The following HEATR5B variants were observed in gnomAD, a reference collection of about 807,000 sequenced individuals.
HEATR5B encodes the protein HEAT repeat containing 5B.
HEATR5B carries 156 observed loss-of-function variants against 224.1 expected under a neutral mutation model. The ratio of observed to expected loss-of-function variants is 0.70; its 90% CI spans 0.61 to 0.80. The LOEUF (loss-of-function observed/expected upper bound fraction) is 0.80. Ranked by LOEUF, HEATR5B falls within the 30% of genes least tolerant of loss-of-function variation. The pLI is 0.00. For missense variants in HEATR5B, 2,323 were observed against 2,535.5 expected, an observed-to-expected ratio of 0.92 and a Z score of 1.80; for synonymous variants, 1,027 against 893.0, an observed-to-expected ratio of 1.15 and a Z score of -2.68.
rs781668914 is a variant in HEATR5B, at chr2:37,020,632, C to T, written c.4035+23G>A. On this transcript the variant is annotated intron_variant, in intron 25 of 35. Coordinates refer to ENST00000233099, the MANE Select transcript of HEATR5B (RefSeq NM_019024.3). ...TCTTTCAAAAGATCAATTTTAAGTT[C>T]TTAAATAAATAGAAAATCTCACATT... is the stretch of plus-strand genomic sequence containing the variant. 19 of 1,494,362 alleles carry T rather than the reference C, an allele frequency of 1.3e-5. 1 individual carries two copies. Among genetic ancestry groups the T allele is most frequent in the East Asian group, 9.6e-5 (4 of 41,708 alleles). The allele number at this position is 1,494,362 out of a possible 1,614,324, so 92.6% of individuals were successfully genotyped here.
intron 2 of HEATR5B, among the ~76,000 whole-genome samples, chr2:37,081,025 A>G (rs1672528889): frequency 6.6e-6 from 1 of 152,262 alleles, no homozygotes; most frequent in South Asian, 2.1e-4. Flanking sequence ...GAACAAAATT[A>G]AAGACGTTTT....
At chr2:37,070,479 T>C (rs896529172) in intron 6 of HEATR5B, 92 bp from the exon 7 acceptor site, 35 of 927,406 alleles carry the variant, frequency 3.8e-5, no homozygotes, top group Admixed American at 7.8e-5. Context: ...GACACTTTAC[T>C]ACAATGGGGA....
rs866591468 is a variant in HEATR5B at position 37,049,801 on chromosome 2, G to A, written c.2548C>T (p.Arg850Cys). 5.2e-6 allele frequency: 8 copies of A among 1,550,444 alleles called. No individual in the cohort carries two copies. Among genetic ancestry groups the A allele is most frequent in the Non-Finnish European group, 6.1e-6 (7 of 1,152,654 alleles). The stretch of plus-strand genomic sequence containing the variant: ...ATAACCAGTGTCAGGGCAGATTTAC[G>A]AACTTCCTCAGGTCCTAAAGTACTT... ...NKSTLGPEEV[R>C]KSALTLVMGP... The change falls in exon 18 of 36, where the codon CGT becomes TGT. Residue 850 changes from arginine (R) to cysteine (C), a missense_variant. Coordinates refer to ENST00000233099, the MANE Select transcript of HEATR5B (RefSeq NM_019024.3).
chr2:37,071,240 A>G (rs1232511536), intron 6 of HEATR5B, among the ~76,000 whole-genome samples: 1 of 152,220 alleles, frequency 6.6e-6, no homozygotes, highest in Non-Finnish European at 1.5e-5. Flanking sequence ...TAATAAATAT[A>G]AGAGACAGGA....
At chr2:37,007,588 G>C (rs1667512584) in intron 28 of HEATR5B, among the ~76,000 whole-genome samples, 1 of 151,976 alleles carries the variant, frequency 6.6e-6, no homozygotes, top group African/African-American at 2.4e-5. Context: ...ACCCGCCTCA[G>C]CCTCCCAAAG....
At chr2:37,009,585 G>GA (rs371452433) in intron 27 of HEATR5B, among the ~76,000 whole-genome samples, 49 of 145,542 alleles carry the variant, frequency 3.4e-4, no homozygotes, top group African/African-American at 1.1e-3. Flanking sequence ...CTCAAAAAAA[G>GA]AAAAAAAAAA....
intron 33 of HEATR5B, among the ~76,000 whole-genome samples, chr2:36,996,804 C>A (rs1666750356): frequency 6.6e-6 from 1 of 152,144 alleles, no homozygotes; most frequent in Admixed American, 6.5e-5. Flanking sequence ...GTTGGTCAGG[C>A]TGGTCTTGAA....
At position 36,988,715 on chromosome 2, in the gene HEATR5B, C is replaced by A; in HGVS notation, c.5842G>T (p.Glu1948Ter). ...VERNRPASNI[E>*]LLAVQEGIKV... ...ATTCCTTCTTGAACCGCTAAAAGCTCTATGTTACTGGCTGGTCTGTTTCTT... is the reference window on the plus strand; with the variant it reads ...ATTCCTTCTTGAACCGCTAAAAGCTATATGTTACTGGCTGGTCTGTTTCTT... The change falls in exon 35 of 36, where the codon GAG (glutamate) becomes TAG (stop). Residue 1948 changes from glutamate to a stop codon, truncating the protein, a stop_gained. Coordinates refer to ENST00000233099, the MANE Select transcript of HEATR5B (RefSeq NM_019024.3). LOFTEE classifies it high-confidence loss of function. 1 of 1,614,122 alleles carries A rather than the reference C, an allele frequency of 6.2e-7. No individual in the cohort carries two copies. The highest frequency in any genetic ancestry group is 8.5e-7 in the Non-Finnish European group (1 of 1,180,016).
chr2:36,999,218 C>CAAAAAACA (rs963573948), intron 33 of HEATR5B, among the ~76,000 whole-genome samples: 8 of 151,502 alleles, frequency 5.3e-5, no homozygotes, highest in African/African-American at 1.9e-4. Flanking sequence ...GACGCCATCT[C>CAAAAAACA]AAAAAACAAA....
Position 37,000,766 on chromosome 2 carries a change from A to C in HEATR5B, c.5365T>G (p.Leu1789Val). The change falls in exon 33 of 36, where the codon TTG becomes GTG. Residue 1789 changes from leucine to valine, a missense_variant. By Grantham distance (32) the Leu-to-Val change is conservative. Transcript: ENST00000233099. ...GCAGACTTTATTGCTGTGTCTTTCA[A>C]TATTCTTGCAATTAAGAACAGAATT... ...PTILFLIARI[L>V]KDTAIKSADN... is the part of the protein sequence containing the mutation. The C allele has an allele frequency of 6.2e-7, 1 of 1,614,168 alleles. No individual in the cohort carries two copies. Among genetic ancestry groups the C allele is most frequent in the Non-Finnish European group, 8.5e-7 (1 of 1,179,998 alleles).
chr2:37,008,949 G>A (rs1667608455), intron 27 of HEATR5B, 101 bp from the exon 28 acceptor site: 2 of 836,668 alleles, frequency 2.4e-6, no homozygotes, highest in African/African-American at 3.5e-5. Context: ...AAAGATAACT[G>A]GGTATAGATA....
At chr2:37,033,624 T>C (rs1320378788) in intron 21 of HEATR5B, among the ~76,000 whole-genome samples, 1 of 152,152 alleles carries the variant, frequency 6.6e-6, no homozygotes, top group Non-Finnish European at 1.5e-5. Context: ...TCCCTGAATA[T>C]AGTACACTCT....
intron 29 of HEATR5B, among the ~76,000 whole-genome samples, chr2:37,006,702 T>C (rs1667441673): frequency 6.6e-6 from 1 of 152,178 alleles, no homozygotes. Context: ...TACATTAGGA[T>C]TCACTGAAAT....
rs546159706 is a variant in HEATR5B at position 37,081,718 on chromosome 2, G to T, written c.126+1571C>A. Among the ~76,000 whole-genome samples the T allele has an allele frequency of 3.9e-5, 6 of 152,280 alleles. No individual in the cohort carries two copies. The East Asian group carries it at 1.2e-3, about 29-fold the overall frequency. On this transcript the variant is annotated intron_variant, in intron 2 of 35. Transcript: ENST00000233099. The stretch of plus-strand genomic sequence containing the variant: ...AGTGAAATATTGTATGTCCAGACTA[G>T]AAGAGTCCAGGCACAGTTGCGGTCT...
chr2:37,074,480 C>A (rs900426083), intron 5 of HEATR5B, among the ~76,000 whole-genome samples: 20 of 151,864 alleles, frequency 1.3e-4, no homozygotes, highest in African/African-American at 4.8e-4. Flanking sequence ...GAAGGAAACA[C>A]AGGACAAACC....
chr2:37,015,485 T>TG (rs1381879263), intron 26 of HEATR5B, among the ~76,000 whole-genome samples: 1 of 152,186 alleles, frequency 6.6e-6, no homozygotes, highest in Non-Finnish European at 1.5e-5. Context: ...GAGACAGACT[T>TG]GTAGTTAGAA....
At position 37,058,974 on chromosome 2, in the gene HEATR5B, G is replaced by A. The variant is rs757657704; in HGVS notation, c.1863C>T (p.Phe621=). ...RAGALCAMRS[F]VAHCPELLTE... ...TTAGTAGCTCAGGACAATGTGCAAC[G>A]AAGCTCCTCATGGCTAGATAAAATG... Residue 621 remains phenylalanine (F), a synonymous_variant, in exon 13 of 36, where the codon TTC becomes TTT. Coordinates refer to ENST00000233099, the MANE Select transcript of HEATR5B (RefSeq NM_019024.3). The A allele has an allele frequency of 2.5e-5, 40 of 1,607,046 alleles. No homozygotes were observed. The highest frequency in any genetic ancestry group is 3.3e-5 in the Admixed American group (2 of 59,884).
intron 33 of HEATR5B, among the ~76,000 whole-genome samples, chr2:36,998,579 G>A (rs1284944334): frequency 2.0e-5 from 3 of 152,160 alleles, no homozygotes; most frequent in African/African-American, 7.2e-5. Flanking sequence ...TGAGAAATTT[G>A]TAAGGATGTT....
chr2:37,007,215 A>G lies in HEATR5B; in HGVS notation c.4612T>C (p.Trp1538Arg). Reference sequence around the variant, plus strand: ...CACGTAAATCCTGTGCTATTTAACCAAAGTGCCACCGCATGGAGAATTGGG... The same window carrying G: ...CACGTAAATCCTGTGCTATTTAACCGAAGTGCCACCGCATGGAGAATTGGG... ...WAPILHAVALWLNSTGFTCSE... is the reference protein window; with the variant it reads ...WAPILHAVALRLNSTGFTCSE... The change falls in exon 29 of 36, where the codon TGG becomes CGG. Residue 1538 changes from tryptophan to arginine, a missense_variant. Transcript: ENST00000233099. 4 of 1,614,194 alleles carry G rather than the reference A, an allele frequency of 2.5e-6. No homozygotes were observed. The highest frequency in any genetic ancestry group is 3.4e-6 in the Non-Finnish European group (4 of 1,180,026).
Sources: allele counts gnomAD v4.1 joint callset (sites outside exome capture counted in the v4.1 genomes callset), GRCh38; gene constraint gnomAD v4.1.1; transcripts MANE v1.5; gene names NCBI Gene and HGNC (gene_info 2026-07-23, HGNC 2026-07-21).